CDC16: variants seen among roughly 807,000 people sequenced by gnomAD.
CDC16 encodes cell division cycle protein 16 homolog.
A neutral mutation model predicts 87.0 loss-of-function variants in CDC16; 34 were observed. The observed-to-expected ratio is 0.39, with a 90% CI of 0.30 to 0.52. The LOEUF is 0.52. Ranked by LOEUF, CDC16 falls within the 20% of genes least tolerant of loss-of-function variation. CDC16 has a pLI of 0.74. For synonymous variants in CDC16, 263 were observed against 260.6 expected, an observed-to-expected ratio of 1.01 and a Z score of -0.09; for missense variants, 653 against 751.9, an observed-to-expected ratio of 0.87 and a Z score of 1.54.
At chr13:114,258,262 C>T (rs948815302) in intron 13 of CDC16, among the ~76,000 whole-genome samples, 10 of 152,078 alleles carry the variant, frequency 6.6e-5, no homozygotes, top group African/African-American at 1.9e-4. Context: ...TATTTGTAAC[C>T]GCCAAATCAG....
chr13:114,259,747 CAG>C (rs2082725953), intron 14 of CDC16, among the ~76,000 whole-genome samples: 1 of 152,224 alleles, frequency 6.6e-6, no homozygotes, highest in African/African-American at 2.4e-5. Context: ...TCTAGAACTT[CAG>C]AGAGCTTCTT....
chr13:114,253,582 C>A (rs556758308), intron 12 of CDC16, among the ~76,000 whole-genome samples: 1 of 150,924 alleles, frequency 6.6e-6, no homozygotes, highest in Non-Finnish European at 1.5e-5. Flanking sequence ...CCCAGCTACT[C>A]GGGAGGCTGA....
Position 114,236,820 on chromosome 13 carries a change from G to T in CDC16, c.125G>T (p.Trp42Leu). 6.2e-7 allele frequency: 1 copy of T among 1,613,294 alleles called. No homozygotes were observed. The highest frequency in any genetic ancestry group is 2.2e-5 in the East Asian group (1 of 44,854). The change falls in exon 3 of 18, where the codon TGG becomes TTG. Residue 42 changes from tryptophan to leucine, a missense_variant. Transcript: ENST00000356221. ...LSREEPQDIY[W>L]LAQCLYLTAQ... ...CCAGAAGAACCCCAGGACATCTATTGGTTGGCTCAGTGTCTTTACCTGACA... is the reference window on the plus strand; with the variant it reads ...CCAGAAGAACCCCAGGACATCTATTTGTTGGCTCAGTGTCTTTACCTGACA...
intron 4 of CDC16, 75 bp from the exon 5 acceptor site, chr13:114,239,275 T>C: frequency 6.5e-7 from 1 of 1,536,676 alleles, no homozygotes; most frequent in Non-Finnish European, 8.8e-7. Context: ...GTATATGTTA[T>C]CCTTTAAAAA....
chr13:114,249,682 G>A (rs1041978350), intron 11 of CDC16, among the ~76,000 whole-genome samples: 17 of 152,060 alleles, frequency 1.1e-4, no homozygotes, highest in Admixed American at 1.0e-3. Flanking sequence ...ATCATCTATA[G>A]GATATCGCCT....
In CDC16 at chr13:114,237,236, G is replaced by A. The variant is rs11840660; in HGVS notation, c.201+340G>A. ...AGACTCTGTCTCAAAAAAAAAAAAAGTCATTAGGGTTTTAGGTGTATATTC... is the reference window on the plus strand; with the variant it reads ...AGACTCTGTCTCAAAAAAAAAAAAAATCATTAGGGTTTTAGGTGTATATTC... On this transcript the variant is annotated intron_variant, in intron 3 of 17. Transcript: ENST00000356221. 8.7e-3 allele frequency among the ~76,000 whole-genome samples: 1,311 copies of A among 150,868 alleles called. 16 individuals carry two copies. Among genetic ancestry groups the A allele is most frequent in the African/African-American group, 0.03 (1,220 of 40,560 alleles).
At chr13:114,264,607 A>T (rs2083075970) in intron 16 of CDC16, among the ~76,000 whole-genome samples, 1 of 151,940 alleles carries the variant, frequency 6.6e-6, no homozygotes, top group Admixed American at 6.6e-5. Context: ...CTGTATGGAG[A>T]TAGAACTTCT....
At chr13:114,245,157 C>G (rs1295914363) in intron 9 of CDC16, among the ~76,000 whole-genome samples, 188 bp downstream of exon 9, 3 of 152,056 alleles carry the variant, frequency 2.0e-5, no homozygotes, top group Admixed American at 6.5e-5. Flanking sequence ...TTTGTTTTCC[C>G]ATCAGAACAA....
chr13:114,235,942 A>G (rs1374482990), intron 1 of CDC16, among the ~76,000 whole-genome samples: 2 of 152,230 alleles, frequency 1.3e-5, no homozygotes, highest in East Asian at 3.8e-4. Context: ...GGTATTGAGC[A>G]TATTTATAAC....
Position 114,272,465 on chromosome 13 carries a change from C to G in CDC16, c.*22C>G, listed in dbSNP as rs1287442632. The G allele has an allele frequency of 6.2e-7, 1 of 1,607,540 alleles. No homozygotes were observed. Among genetic ancestry groups the G allele is most frequent in the Non-Finnish European group, 8.5e-7 (1 of 1,175,528 alleles). On this transcript the variant is annotated 3_prime_UTR_variant, in exon 18 of 18. Transcript: ENST00000356221. The stretch of plus-strand genomic sequence containing the variant: ...GTGACTCCAGTCAGTGGTCCTGGTC[C>G]CACTGTCCCAGTGTAGGTTAGTATT...
intron 11 of CDC16, 52 bp from the exon 12 acceptor site, chr13:114,250,491 CAAAAAA>C: frequency 2.4e-6 from 3 of 1,244,022 alleles, no homozygotes; most frequent in Non-Finnish European, 3.2e-6. Context: ...GACTTTGTCT[CAAAAAA>C]AAAAAAAAAA....
intron 1 of CDC16, 38 bp from the exon 2 acceptor site, chr13:114,236,607 C>G: frequency 1.3e-6 from 2 of 1,580,434 alleles, no homozygotes; most frequent in Non-Finnish European, 1.7e-6. Context: ...ATTAAAATAA[C>G]AGGGCAGTTA....
At chr13:114,237,045 T>A (rs1333988526) in intron 3 of CDC16, 149 bp downstream of exon 3, 6 of 489,594 alleles carry the variant, frequency 1.2e-5, no homozygotes, top group African/African-American at 2.0e-5. Context: ...ACCAAGATGG[T>A]GAAACCCCAT....
chr13:114,251,626 GTA>G (rs1367342257), intron 12 of CDC16, among the ~76,000 whole-genome samples: 3 of 152,214 alleles, frequency 2.0e-5, no homozygotes, highest in Non-Finnish European at 4.4e-5. Context: ...AACTTGGTAA[GTA>G]TCATAGCTCC....
Position 114,245,001 on chromosome 13 carries a change from T to C in CDC16, c.847+32T>C. 3.9e-6 allele frequency: 5 copies of C among 1,284,834 alleles called. No homozygotes were observed. In the South Asian group the frequency reaches 6.4e-5, roughly 16 times the overall value. The allele number at this position is 1,284,834 out of a possible 1,614,324, so 79.6% of individuals were successfully genotyped here. On this transcript the variant is annotated intron_variant, in intron 9 of 17. Transcript: ENST00000356221. ...CTTTTTTTTAAATTAAAGTAATTCTTAGACATAAAACAAATCTTTTCTGTA... is the reference window on the plus strand; with the variant it reads ...CTTTTTTTTAAATTAAAGTAATTCTCAGACATAAAACAAATCTTTTCTGTA...
At chr13:114,255,292 T>C (rs1462460778) in intron 12 of CDC16, among the ~76,000 whole-genome samples, 1 of 152,222 alleles carries the variant, frequency 6.6e-6, no homozygotes, top group East Asian at 1.9e-4. Flanking sequence ...AACCCTGTTA[T>C]TTACCATTTT....
chr13:114,243,943 C>A lies in CDC16; in HGVS notation c.721C>A (p.His241Asn). The change falls in exon 8 of 18, where the codon CAT becomes AAT. Residue 241 changes from histidine (H) to asparagine (N), a missense_variant. Coordinates refer to ENST00000356221, the MANE Select transcript of CDC16 (RefSeq NM_001078645.3). ...LDVVVSLAER[H>N]YYNCDFKMCY... is the part of the protein sequence containing the mutation. Reference sequence around the variant, plus strand: ...TGTGGTAGTGTCTTTAGCTGAGAGACATTATTATAACTGTGATTTTAAAAT... The same window carrying A: ...TGTGGTAGTGTCTTTAGCTGAGAGAAATTATTATAACTGTGATTTTAAAAT... 1.2e-6 allele frequency: 2 copies of A among 1,605,394 alleles called. No individual in the cohort carries two copies. The highest frequency in any genetic ancestry group is 1.3e-5 in the African/African-American group (1 of 74,822).
intron 17 of CDC16, among the ~76,000 whole-genome samples, chr13:114,269,150 G>A (rs2139208610): frequency 6.6e-6 from 1 of 152,232 alleles, no homozygotes; most frequent in African/African-American, 2.4e-5. Context: ...ACTTGACTGG[G>A]TAGATGGTCT....
intron 11 of CDC16, among the ~76,000 whole-genome samples, chr13:114,247,917 G>C (rs1336644028): frequency 6.7e-6 from 1 of 148,446 alleles, no homozygotes; most frequent in East Asian, 1.9e-4. Flanking sequence ...GAATAAATAT[G>C]AAACAATAGA....
Sources: allele counts gnomAD v4.1 joint callset (sites outside exome capture counted in the v4.1 genomes callset), GRCh38; gene constraint gnomAD v4.1.1; transcripts MANE v1.5; gene names NCBI Gene and HGNC (gene_info 2026-07-23, HGNC 2026-07-21).